Variants in IMPG2 observed in about 807,000 individuals in gnomAD.
The protein encoded by IMPG2 is interphotoreceptor matrix proteoglycan 2.
Under a neutral mutation model 129.2 loss-of-function variants are expected in IMPG2, and 91 were observed. The observed-to-expected ratio is 0.70, with a 90% CI of 0.59 to 0.84. The LOEUF is 0.84. IMPG2 is among the 40% of genes least tolerant of loss of function. The probability of loss-of-function intolerance (pLI) is 0.00; values close to 1 mark genes in which losing one functional copy is unlikely to be tolerated. For synonymous variants in IMPG2, 510 were observed against 517.7 expected (o/e 0.99, Z 0.20); for missense variants, 1,430 against 1,461.7 (o/e 0.98, Z 0.35).
At chr3:101,278,522 G>A (rs1252255095) in intron 4 of IMPG2, among the ~76,000 whole-genome samples, 1 of 151,968 alleles carries the variant, frequency 6.6e-6, no homozygotes, top group African/African-American at 2.4e-5. Context: ...AATTTAAAAC[G>A]TTTTAATATT....
intron 11 of IMPG2, among the ~76,000 whole-genome samples, chr3:101,248,532 G>A (rs2107224731): frequency 6.6e-6 from 1 of 152,292 alleles, no homozygotes; most frequent in South Asian, 2.1e-4. Flanking sequence ...TCAAAGATCT[G>A]TGTGAGAAGG....
intron 3 of IMPG2, among the ~76,000 whole-genome samples, chr3:101,302,407 A>C (rs991238180): frequency 6.6e-6 from 1 of 152,178 alleles, no homozygotes; most frequent in Non-Finnish European, 1.5e-5. Flanking sequence ...GTGTATGTCT[A>C]TATATTTTCC....
At chr3:101,314,136 T>C (rs1260995598) in intron 2 of IMPG2, among the ~76,000 whole-genome samples, 1 of 152,100 alleles carries the variant, frequency 6.6e-6, no homozygotes, top group Admixed American at 6.6e-5. Context: ...CTTAGCCAAA[T>C]TCACTAAAAC....
intron 2 of IMPG2, among the ~76,000 whole-genome samples, chr3:101,312,511 A>T (rs1576773595): frequency 6.6e-6 from 1 of 152,180 alleles, no homozygotes; most frequent in East Asian, 1.9e-4. Context: ...TTTTTTAAAA[A>T]AAAGGAAAAC....
intron 6 of IMPG2, 56 bp from the exon 7 acceptor site, chr3:101,273,798 A>C: frequency 2.0e-6 from 3 of 1,486,404 alleles, no homozygotes; most frequent in Non-Finnish European, 1.9e-6. Flanking sequence ...CAATCAACAA[A>C]CATTTATTGA....
At chr3:101,241,483 C>A (rs552485964) in intron 14 of IMPG2, among the ~76,000 whole-genome samples, 24 of 152,244 alleles carry the variant, frequency 1.6e-4, no homozygotes, top group South Asian at 1.2e-3. Flanking sequence ...AGATGGGGAC[C>A]AGGCCTTGTG....
chr3:101,297,379 AT>A (rs934710116), intron 3 of IMPG2, among the ~76,000 whole-genome samples: 1 of 147,826 alleles, frequency 6.8e-6, no homozygotes. Flanking sequence ...TTTTTGGAGG[AT>A]TTTTTGTGTC....
At position 101,242,793 on chromosome 3, in the gene IMPG2, G is replaced by A. The variant is rs200993095; in HGVS notation, c.2917C>T (p.Pro973Ser). The stretch of plus-strand genomic sequence containing the variant: ...ATGTACACCGCATTGTTGACGTTAG[G>A]AGGGACAGAATTGGCAAACTTCATT... Reference protein sequence around the residue: ...SRMKFANSVPPNVNNAVYMIL... With the variant: ...SRMKFANSVPSNVNNAVYMIL... The change falls in exon 14 of 19, where the codon CCT becomes TCT. Residue 973 changes from proline (P) to serine (S), a missense_variant. Transcript: ENST00000193391. The A allele has an allele frequency of 1.9e-6, 3 of 1,613,998 alleles. No individual in the cohort carries two copies. Among genetic ancestry groups the A allele is most frequent in the Non-Finnish European group, 2.5e-6 (3 of 1,179,908 alleles).
At chr3:101,256,217 G>GAAAGAAAGAAAGAAAGAAAGAACGAACA (rs1553682324) in intron 10 of IMPG2, among the ~76,000 whole-genome samples, 2 of 138,170 alleles carry the variant, frequency 1.4e-5, no homozygotes, top group African/African-American at 5.5e-5. Flanking sequence ...AAGAAAGAAA[G>GAAAGAAAGAAAGAAAGAAAGAACGAACA]AAAAAAATAT....
chr3:101,315,283 C>A (rs1366432727), intron 2 of IMPG2, among the ~76,000 whole-genome samples: 1 of 152,144 alleles, frequency 6.6e-6, no homozygotes, highest in Non-Finnish European at 1.5e-5. Context: ...TGAACACATT[C>A]TTCTTCACTG....
At chr3:101,258,869 T>C (rs1706640726) in intron 9 of IMPG2, among the ~76,000 whole-genome samples, 1 of 152,198 alleles carries the variant, frequency 6.6e-6, no homozygotes, top group Admixed American at 6.5e-5. Context: ...AGCTAACAGT[T>C]TGTAAGTGCT....
intron 6 of IMPG2, among the ~76,000 whole-genome samples, chr3:101,274,515 G>T (rs1706821440): frequency 6.6e-6 from 1 of 152,122 alleles, no homozygotes; most frequent in African/African-American, 2.4e-5. Flanking sequence ...ATGGGAAAAT[G>T]CATTAGGAAA....
At chr3:101,313,849 C>T (rs549450066) in intron 2 of IMPG2, among the ~76,000 whole-genome samples, 1 of 151,932 alleles carries the variant, frequency 6.6e-6, no homozygotes, top group Non-Finnish European at 1.5e-5. Flanking sequence ...AAGGAATATA[C>T]CCAAAAAAGC....
rs1706437799 is a variant in IMPG2, at chr3:101,243,820, A to G, written c.2511T>C (p.Asp837=). The G allele has an allele frequency of 1.2e-6, 2 of 1,614,194 alleles. No individual in the cohort carries two copies. Among genetic ancestry groups the G allele is most frequent in the African/African-American group, 1.3e-5 (1 of 75,048 alleles). ...LEDEVIMGVQ[D]ISLELDRIGT... is the part of the protein sequence containing the mutation. ...CTATCCGGTCCAGTTCTAACGAAATATCCTGTACACCCATAATTACTTCAT... is the reference window on the plus strand; with the variant it reads ...CTATCCGGTCCAGTTCTAACGAAATGTCCTGTACACCCATAATTACTTCAT... The change falls in exon 13 of 19, where the codon GAT becomes GAC. Residue 837 remains aspartate, a synonymous_variant. Coordinates refer to ENST00000193391, the MANE Select transcript of IMPG2 (RefSeq NM_016247.4).
chr3:101,236,531 T>C (rs1219329204), intron 14 of IMPG2, among the ~76,000 whole-genome samples: 2 of 152,032 alleles, frequency 1.3e-5, no homozygotes, highest in African/African-American at 2.4e-5. Context: ...GATTGGACAG[T>C]GGGTGCAGCC....
chr3:101,288,475 A>T (rs1706970250), intron 4 of IMPG2, among the ~76,000 whole-genome samples: 1 of 152,210 alleles, frequency 6.6e-6, no homozygotes, highest in Non-Finnish European at 1.5e-5. Context: ...GGTGGATTGG[A>T]TGAAGAAAAT....
At chr3:101,250,908 A>C (rs1706536770) in intron 11 of IMPG2, among the ~76,000 whole-genome samples, 1 of 152,214 alleles carries the variant, frequency 6.6e-6, no homozygotes, top group Non-Finnish European at 1.5e-5. Flanking sequence ...ATATGTAGTC[A>C]GGGGAAAGAA....
At chr3:101,298,109 T>A (rs577036045) in intron 3 of IMPG2, among the ~76,000 whole-genome samples, 1 of 152,370 alleles carries the variant, frequency 6.6e-6, no homozygotes, top group South Asian at 2.1e-4. Flanking sequence ...ATATTTAGGA[T>A]AGTTAGCTCT....
At chr3:101,269,694 T>G in intron 7 of IMPG2, 121 bp from the exon 8 acceptor site, 1 of 630,576 alleles carries the variant, frequency 1.6e-6, no homozygotes, top group Non-Finnish European at 2.8e-6. Flanking sequence ...GCTTATACAC[T>G]TAGCTAGGCA....
Sources: allele counts gnomAD v4.1 joint callset (sites outside exome capture counted in the v4.1 genomes callset), GRCh38; gene constraint gnomAD v4.1.1; transcripts MANE v1.5; gene names NCBI Gene and HGNC (gene_info 2026-07-23, HGNC 2026-07-21).